TTLL7: variants seen among roughly 807,000 people sequenced by gnomAD.
TTLL7 encodes tubulin tyrosine ligase like 7.
Under a neutral mutation model 120.2 loss-of-function variants are expected in TTLL7, and 53 were observed. That is an observed-to-expected ratio of 0.44 (90% confidence interval 0.35 to 0.55). TTLL7 has a LOEUF of 0.55. Ranked by LOEUF, TTLL7 falls within the 20% of genes least tolerant of loss-of-function variation. The pLI is 0.00. For missense variants in TTLL7, 803 were observed against 1,054.7 expected, an observed-to-expected ratio of 0.76 and a Z score of 3.31; for synonymous variants, 353 against 351.7, an observed-to-expected ratio of 1.00 and a Z score of -0.04.
At chr1:83,973,099 C>A (rs1283597282) in intron 1 of TTLL7, among the ~76,000 whole-genome samples, 2 of 151,968 alleles carry the variant, frequency 1.3e-5, no homozygotes, top group Non-Finnish European at 2.9e-5. Context: ...TCAATAATTT[C>A]TTTCATGGAT....
chr1:83,996,886 C>A (rs1653533126), intron 1 of TTLL7, among the ~76,000 whole-genome samples: 1 of 151,122 alleles, frequency 6.6e-6, no homozygotes, highest in African/African-American at 2.4e-5. Context: ...TTTTTAACAG[C>A]AGTGGTATTG....
At chr1:83,890,560 G>A (rs915529240) in intron 18 of TTLL7, 79 bp from the exon 19 acceptor site, 87 of 1,232,712 alleles carry the variant, frequency 7.1e-5, no homozygotes, top group Middle Eastern at 4.8e-4. Context: ...TTGAGCTCAG[G>A]AGTTCCAGAC....
At chr1:83,932,563 G>GCA (rs1491107852) in intron 9 of TTLL7, among the ~76,000 whole-genome samples, 1 of 119,636 alleles carries the variant, frequency 8.4e-6, no homozygotes, top group Non-Finnish European at 2.0e-5. Flanking sequence ...CCACACATAG[G>GCA]CGCGCGCACA....
chr1:83,919,668 T>C (rs745880367), intron 13 of TTLL7, 31 bp downstream of exon 13: 2 of 1,574,644 alleles, frequency 1.3e-6, no homozygotes, highest in Admixed American at 1.8e-5. Context: ...GCTTTATTCT[T>C]TTTTCTCTAT....
Position 83,883,063 on chromosome 1 carries a change from G to A in TTLL7, c.2443C>T (p.Leu815=). ...TPLQLQCCQR[L]VELCKQCLLV... is the part of the protein sequence containing the mutation. ...AGGCACTGTTTACAAAGCTCCACTAGGCGCTGGCAACACTGGAGCTGCAAA... is the reference window on the plus strand; with the variant it reads ...AGGCACTGTTTACAAAGCTCCACTAAGCGCTGGCAACACTGGAGCTGCAAA... Residue 815 remains leucine, a synonymous_variant, in exon 20 of 21, where the codon CTA becomes TTA. Transcript: ENST00000260505. The A allele has an allele frequency of 6.2e-7, 1 of 1,612,628 alleles. No individual in the cohort carries two copies. Among genetic ancestry groups the A allele is most frequent in the Non-Finnish European group, 8.5e-7 (1 of 1,179,176 alleles).
At chr1:83,997,370 G>A (rs903005377) in intron 1 of TTLL7, among the ~76,000 whole-genome samples, 11 of 152,264 alleles carry the variant, frequency 7.2e-5, no homozygotes, top group Non-Finnish European at 1.0e-4. Context: ...ACCCATCAAC[G>A]GGCGAAGAAA....
At chr1:83,909,539 A>G (rs1298057653) in intron 15 of TTLL7, among the ~76,000 whole-genome samples, 2 of 152,062 alleles carry the variant, frequency 1.3e-5, no homozygotes, top group African/African-American at 4.8e-5. Flanking sequence ...GTAAGATTAA[A>G]GAAAGAATAA....
chr1:83,937,748 G>C (rs1557685193), intron 8 of TTLL7, 104 bp downstream of exon 8: 20 of 1,370,392 alleles, frequency 1.5e-5, no homozygotes, highest in Non-Finnish European at 1.9e-5. Flanking sequence ...CTCAATTATA[G>C]GGAACCAAGT....
At chr1:83,930,251 T>A (rs1390644660) in intron 9 of TTLL7, among the ~76,000 whole-genome samples, 3 of 152,154 alleles carry the variant, frequency 2.0e-5, no homozygotes, top group African/African-American at 7.2e-5. Flanking sequence ...TGCATGTCTA[T>A]ACTAACCATA....
At chr1:83,989,541 G>A (rs1199502118) in intron 1 of TTLL7, among the ~76,000 whole-genome samples, 1 of 152,078 alleles carries the variant, frequency 6.6e-6, no homozygotes, top group Non-Finnish European at 1.5e-5. Flanking sequence ...CAGTACTATG[G>A]CTATTTTGTT....
chr1:83,909,766 T>C (rs990371934), intron 15 of TTLL7, among the ~76,000 whole-genome samples: 6 of 152,092 alleles, frequency 3.9e-5, no homozygotes, highest in African/African-American at 1.4e-4. Context: ...ATAACAATGT[T>C]AGCAAATTTT....
intron 18 of TTLL7, among the ~76,000 whole-genome samples, chr1:83,892,952 A>AAAAGAAAGAAAGAAAGAAGG (rs1553129478): frequency 3.1e-5 from 4 of 128,978 alleles, no homozygotes; most frequent in African/African-American, 1.0e-4. Flanking sequence ...GAAAGAAAGA[A>AAAAGAAAGAAAGAAAGAAGG]AAGAATAAAA....
At chr1:83,872,752 A>G (rs1335711626) in intron 20 of TTLL7, among the ~76,000 whole-genome samples, 1 of 152,232 alleles carries the variant, frequency 6.6e-6, no homozygotes, top group African/African-American at 2.4e-5. Flanking sequence ...CTGAACAAAT[A>G]TTTAAATAGT....
At chr1:83,961,781 A>T (rs921280348) in intron 1 of TTLL7, among the ~76,000 whole-genome samples, 1 of 152,126 alleles carries the variant, frequency 6.6e-6, no homozygotes, top group Non-Finnish European at 1.5e-5. Flanking sequence ...CAGTAGCCTA[A>T]AACTCTTATT....
chr1:83,972,079 C>G (rs1651045752), intron 1 of TTLL7, among the ~76,000 whole-genome samples: 1 of 152,006 alleles, frequency 6.6e-6, no homozygotes, highest in African/African-American at 2.4e-5. Context: ...CAGAGTGATA[C>G]ATTTTTAACA....
intron 1 of TTLL7, among the ~76,000 whole-genome samples, chr1:83,970,885 G>A (rs1252316419): frequency 6.6e-6 from 1 of 152,016 alleles, no homozygotes; most frequent in Non-Finnish European, 1.5e-5. Context: ...GAAAGTCTGG[G>A]AACCAGTGTA....
chr1:83,967,191 G>T (rs1286534431), intron 1 of TTLL7, among the ~76,000 whole-genome samples: 2 of 151,986 alleles, frequency 1.3e-5, no homozygotes, highest in South Asian at 4.2e-4. Context: ...TAAAATAATG[G>T]TGTGTCTTAT....
intron 18 of TTLL7, chr1:83,902,297 C>T (rs1216469984): frequency 6.6e-6 from 1 of 151,946 alleles, no homozygotes; most frequent in Non-Finnish European, 1.5e-5. Flanking sequence ...TCTACCACCA[C>T]CACATTTCCC....
intron 1 of TTLL7, among the ~76,000 whole-genome samples, chr1:83,966,130 C>G (rs1340207988): frequency 2.6e-5 from 4 of 152,050 alleles, no homozygotes; most frequent in Non-Finnish European, 4.4e-5. Context: ...TTGACAAAAG[C>G]AGATGACTCT....
Sources: gnomAD v4.1 joint callset for allele counts (sites outside exome capture counted in the v4.1 genomes callset) on GRCh38, gnomAD v4.1.1 for gene constraint, MANE v1.5 for transcripts, NCBI Gene and HGNC (gene_info 2026-07-23, HGNC 2026-07-21) for gene names.